The following RTCB variants were observed in gnomAD, a reference collection of about 807,000 sequenced individuals.
RTCB encodes RNA 2',3'-cyclic phosphate and 5'-OH ligase.
RTCB carries 32 observed loss-of-function variants against 58.2 expected under a neutral mutation model. The observed-to-expected ratio is 0.55, with a 90% CI of 0.41 to 0.74. The LOEUF (loss-of-function observed/expected upper bound fraction) is 0.74, where lower values mean the gene tolerates loss of function less well. Among genes scored for constraint, RTCB ranks in the 30% least tolerant of loss-of-function variants. The pLI is 0.00. For missense variants in RTCB, 523 were observed against 639.0 expected (o/e 0.82, Z 1.96); for synonymous variants, 247 against 218.6 (o/e 1.13, Z -1.15).
At chr22:32,404,641 A>G (rs1033185297) in intron 4 of RTCB, among the ~76,000 whole-genome samples, 1 of 152,096 alleles carries the variant, frequency 6.6e-6, no homozygotes, top group African/African-American at 2.4e-5. Context: ...TTCTGGTCTC[A>G]TGTGATCCTC....
intron 1 of RTCB, among the ~76,000 whole-genome samples, chr22:32,409,401 G>A (rs1329120497): frequency 6.6e-6 from 1 of 152,144 alleles, no homozygotes; most frequent in African/African-American, 2.4e-5. Flanking sequence ...GCTCAGTTCT[G>A]AAAGCTATAT....
intron 2 of RTCB, 34 bp downstream of exon 2, chr22:32,408,721 C>A (rs373740173): frequency 6.7e-7 from 1 of 1,486,846 alleles, no homozygotes; most frequent in Non-Finnish European, 9.4e-7. Flanking sequence ...AAGGCACTAC[C>A]GTACTAACAC....
intron 1 of RTCB, among the ~76,000 whole-genome samples, chr22:32,409,325 A>C (rs1933480815): frequency 6.6e-6 from 1 of 152,204 alleles, no homozygotes; most frequent in Non-Finnish European, 1.5e-5. Context: ...TCTAGTGGTG[A>C]CTTACAAATC....
intron 4 of RTCB, among the ~76,000 whole-genome samples, chr22:32,404,947 A>G (rs561296049): frequency 1.3e-5 from 2 of 151,942 alleles, no homozygotes; most frequent in South Asian, 2.1e-4. Context: ...TTGGCCTCCC[A>G]AAGTGCTAGG....
chr22:32,390,979 T>C (rs760204661), intron 11 of RTCB, among the ~76,000 whole-genome samples: 2 of 152,080 alleles, frequency 1.3e-5, no homozygotes, highest in Non-Finnish European at 2.9e-5. Context: ...GTCTCCTGAG[T>C]TGCTAGGACT....
At chr22:32,400,299 A>G (rs541016814) in intron 5 of RTCB, among the ~76,000 whole-genome samples, 1 of 152,218 alleles carries the variant, frequency 6.6e-6, no homozygotes, top group Non-Finnish European at 1.5e-5. Flanking sequence ...GGCTTACGGC[A>G]CCTCCATTTT....
Position 32,401,788 on chromosome 22 carries a change from A to G in RTCB, c.456T>C (p.Pro152=), listed in dbSNP as rs1933339820. ...TGACACCTTTTGACCCCACCCCAAC[A>G]GGAATGTGGTCAAACATAGCTTGGG... The part of the protein sequence containing the change: ...QLAQAMFDHI[P]VGVGSKGVIP... The change falls in exon 5 of 12, where the codon CCT becomes CCC. Residue 152 remains proline (P), a synonymous_variant. Transcript: ENST00000216038. 1.2e-6 allele frequency: 2 copies of G among 1,613,860 alleles called. No individual in the cohort carries two copies. The highest frequency in any genetic ancestry group is 1.3e-5 in the African/African-American group (1 of 74,926).
In RTCB at chr22:32,387,896, C is replaced by T; in HGVS notation, c.*96G>A. ...GCAGTTACAGCTGCACACTTTGCAA[C>T]TTGTCCCGCCTTGAGTCTGATGTCA... On this transcript the variant is annotated 3_prime_UTR_variant, in exon 12 of 12. Transcript: ENST00000216038. 2 of 820,304 alleles carry T rather than the reference C, an allele frequency of 2.4e-6. No individual in the cohort carries two copies. Among genetic ancestry groups the T allele is most frequent in the South Asian group, 1.5e-5 (1 of 65,116 alleles). The allele number at this position is 820,304 out of a possible 1,614,324, so 50.8% of individuals were successfully genotyped here.
At chr22:32,393,829 C>G in intron 10 of RTCB, 63 bp downstream of exon 10, 1 of 1,177,506 alleles carries the variant, frequency 8.5e-7, no homozygotes, top group East Asian at 2.3e-5. Flanking sequence ...ATTTACCAGT[C>G]AAAATGGAAA....
intron 3 of RTCB, among the ~76,000 whole-genome samples, chr22:32,407,700 T>G (rs544661210): frequency 1.3e-5 from 2 of 152,312 alleles, no homozygotes; most frequent in African/African-American, 4.8e-5. Context: ...TCTAGCCAAA[T>G]GCATTCAGAA....
At position 32,399,457 on chromosome 22, in the gene RTCB, T is replaced by C. The variant is rs77887956; in HGVS notation, c.654+146A>G. The C allele has an allele frequency of 6.4e-3, 5,041 of 786,664 alleles. 182 individuals carry two copies. The African/African-American group carries it at 0.077, about 12-fold the overall frequency. The allele number at this position is 786,664 out of a possible 1,614,324, so 48.7% of individuals were successfully genotyped here. ...CCTGATAGTTTTTTTAGAATAAAAATGAAGCATAAACAAATTTGTATTTTT... is the reference window on the plus strand; with the variant it reads ...CCTGATAGTTTTTTTAGAATAAAAACGAAGCATAAACAAATTTGTATTTTT... On this transcript the variant is annotated intron_variant, in intron 6 of 11. Coordinates refer to ENST00000216038, the MANE Select transcript of RTCB (RefSeq NM_014306.5).
rs1457627871 is a variant in RTCB at position 32,402,742 on chromosome 22, C to A, written c.341-839G>T. Among the ~76,000 whole-genome samples, 5 of 152,118 alleles carry A rather than the reference C, an allele frequency of 3.3e-5. 1 individual carries two copies. The highest frequency in any genetic ancestry group is 3.3e-4 in the Admixed American group (5 of 15,254). On this transcript the variant is annotated intron_variant, in intron 4 of 11. Coordinates refer to ENST00000216038, the MANE Select transcript of RTCB (RefSeq NM_014306.5). ...GGGATTACAGGCGTGAGCCACCACA[C>A]CTGGCTGACTTTTGTTTTTTTGAGA...
At chr22:32,401,255 CTAGT>C (rs1250049244) in intron 5 of RTCB, among the ~76,000 whole-genome samples, 1 of 151,146 alleles carries the variant, frequency 6.6e-6, no homozygotes, top group Admixed American at 6.6e-5. Flanking sequence ...GCCATCATGC[CTAGT>C]TAATTTTTTT....
chr22:32,403,785 A>T (rs1933377442), intron 4 of RTCB, among the ~76,000 whole-genome samples: 2 of 152,216 alleles, frequency 1.3e-5, no homozygotes. Flanking sequence ...TATTAACTAC[A>T]GTCACTATGT....
At chr22:32,394,142 T>C (rs987398854) in intron 9 of RTCB, 140 bp from the exon 10 acceptor site, 52 of 565,302 alleles carry the variant, frequency 9.2e-5, no homozygotes, top group Non-Finnish European at 1.5e-4. Context: ...ATGGGAGTCT[T>C]GCTCTGTCGC....
At position 32,399,873 on chromosome 22, in the gene RTCB, C is replaced by T. The variant is rs934400534; in HGVS notation, c.498-114G>A. Reference sequence around the variant, plus strand: ...CTCGACATTTACTATCTCCTGTGTTCCAAGCCTTGAGTCAGATACAAAGTT... The same window carrying T: ...CTCGACATTTACTATCTCCTGTGTTTCAAGCCTTGAGTCAGATACAAAGTT... On this transcript the variant is annotated intron_variant, in intron 5 of 11. Coordinates refer to ENST00000216038, the MANE Select transcript of RTCB (RefSeq NM_014306.5). 4.1e-6 allele frequency: 4 copies of T among 983,024 alleles called. No homozygotes were observed. In the Admixed American group the frequency reaches 9.8e-5, roughly 24 times the overall value. 60.9% of individuals were successfully genotyped at this position (983,024 alleles called of 1,614,324 possible). A position where few individuals can be genotyped will look rare whatever the true frequency, so the allele number is the denominator to read the frequency against.
At chr22:32,392,552 T>TGCAGGGTATTCAGCAGCGCAGC in intron 10 of RTCB, 193 bp from the exon 11 acceptor site, 1 of 758,104 alleles carries the variant, frequency 1.3e-6, no homozygotes, top group Non-Finnish European at 2.3e-6. Context: ...GGCTGTCCTA[T>TGCAGGGTATTCAGCAGCGCAGC]GCAGGGTATT....
chr22:32,412,173 G>A lies in RTCB; in HGVS notation c.-17C>T. ...GCGACTCATGGTGGCGAAAACTGTAGCAAAAACTCCCGGCTCCGCTTTGAA... is the reference window on the plus strand; with the variant it reads ...GCGACTCATGGTGGCGAAAACTGTAACAAAAACTCCCGGCTCCGCTTTGAA... On this transcript the variant is annotated 5_prime_UTR_variant, in exon 1 of 12. Transcript: ENST00000216038. 6.3e-7 allele frequency: 1 copy of A among 1,575,684 alleles called. No individual in the cohort carries two copies. The highest frequency in any genetic ancestry group is 8.6e-7 in the Non-Finnish European group (1 of 1,161,370).
intron 4 of RTCB, among the ~76,000 whole-genome samples, chr22:32,404,843 C>A (rs915651117): frequency 6.6e-6 from 1 of 150,782 alleles, no homozygotes; most frequent in Non-Finnish European, 1.5e-5. Context: ...CCATGCCCGG[C>A]TAATTTTTTG....
Sources: gnomAD v4.1 joint callset for allele counts (sites outside exome capture counted in the v4.1 genomes callset) on GRCh38, gnomAD v4.1.1 for gene constraint, MANE v1.5 for transcripts, NCBI Gene and HGNC (gene_info 2026-07-23, HGNC 2026-07-21) for gene names.